The following TXLNB variants were observed in gnomAD, a reference collection of about 807,000 sequenced individuals.
The protein encoded by TXLNB is taxilin beta, also known as beta-taxilin.
In TXLNB, 37 loss-of-function variants were observed where a neutral mutation model predicts 57.4. The ratio of observed to expected loss-of-function variants is 0.64; its 90% CI spans 0.50 to 0.85. The LOEUF is 0.85. Ranked by LOEUF, TXLNB falls within the 40% of genes least tolerant of loss-of-function variation. The pLI, the probability that TXLNB is intolerant of heterozygous loss-of-function variation, is 0.00. For synonymous variants in TXLNB, 302 were observed against 309.6 expected, an observed-to-expected ratio of 0.98 and a Z score of 0.26; for missense variants, 848 against 825.6, an observed-to-expected ratio of 1.03 and a Z score of -0.33.
chr6:139,260,415 T>G lies in TXLNB; in HGVS notation c.905A>C (p.His302Pro). ...CACCAGCTTCTGCTGCAGTTCTCTG[T>G]GTTTAAATATTTTGTCCAGATGCTA... ...REEHLDKIFK[H>P]RELQQKLVDA... The change falls in exon 6 of 10, where the codon CAC becomes CCC. Residue 302 changes from histidine (H) to proline (P), a missense_variant. His to Pro is a moderately conservative substitution (Grantham distance 77). Coordinates refer to ENST00000358430, the MANE Select transcript of TXLNB (RefSeq NM_153235.4). The G allele has an allele frequency of 6.2e-7, 1 of 1,614,112 alleles. No individual in the cohort carries two copies. Among genetic ancestry groups the G allele is most frequent in the East Asian group, 2.2e-5 (1 of 44,884 alleles).
chr6:139,190,537 C>G, the TXLNB span, among the ~76,000 whole-genome samples: 1 of 152,054 alleles, frequency 6.6e-6, no homozygotes, highest in African/African-American at 2.4e-5. Flanking sequence ...TCTGGAACTC[C>G]TGACCTTGTG....
the TXLNB span, among the ~76,000 whole-genome samples, chr6:139,300,997 G>A: frequency 6.6e-6 from 1 of 152,228 alleles, no homozygotes; most frequent in East Asian, 1.9e-4. Flanking sequence ...CTGTTTCAGG[G>A]CCCCCATTCT....
At chr6:139,320,363 A>C in the TXLNB span, among the ~76,000 whole-genome samples, 4 of 152,226 alleles carry the variant, frequency 2.6e-5, no homozygotes, top group Non-Finnish European at 5.9e-5. Context: ...AACCACAAGG[A>C]ATATTTACAA....
the TXLNB span, among the ~76,000 whole-genome samples, chr6:139,161,310 G>GC: frequency 6.6e-6 from 1 of 152,064 alleles, no homozygotes; most frequent in African/African-American, 2.4e-5. Context: ...CTTTGTATTT[G>GC]TTTTTGAAGC....
intron 4 of TXLNB, among the ~76,000 whole-genome samples, chr6:139,264,629 G>A (rs906667500): frequency 6.6e-6 from 1 of 151,860 alleles, no homozygotes; most frequent in Non-Finnish European, 1.5e-5. Context: ...GCATGATCTC[G>A]GCTCACTGCA....
the TXLNB span, among the ~76,000 whole-genome samples, chr6:139,315,047 CT>C: frequency 2.6e-5 from 4 of 152,090 alleles, no homozygotes; most frequent in Non-Finnish European, 5.9e-5. Context: ...TCCTGGGGAC[CT>C]AAGATCAGTG....
the TXLNB span, among the ~76,000 whole-genome samples, chr6:139,315,238 C>T: frequency 1.3e-5 from 2 of 152,126 alleles, no homozygotes; most frequent in African/African-American, 4.8e-5. Context: ...TTCCTAAGCC[C>T]CTACCCACCA....
chr6:139,279,311 T>C (rs1776984785), intron 2 of TXLNB, among the ~76,000 whole-genome samples: 1 of 152,234 alleles, frequency 6.6e-6, no homozygotes, highest in African/African-American at 2.4e-5. Flanking sequence ...TTTTGTTTTT[T>C]ACTCTTCACA....
At chr6:139,260,752 C>T (rs181030409) in intron 5 of TXLNB, among the ~76,000 whole-genome samples, 10 of 152,278 alleles carry the variant, frequency 6.6e-5, no homozygotes, top group Admixed American at 6.5e-4. Context: ...ATTTATTATG[C>T]TAGACAGCAC....
chr6:139,162,259 G>A, the TXLNB span, among the ~76,000 whole-genome samples: 1 of 152,080 alleles, frequency 6.6e-6, no homozygotes, highest in Non-Finnish European at 1.5e-5. Flanking sequence ...GGGCAATCCT[G>A]GTAAAATTGG....
At chr6:139,223,137 CAATT>C in the TXLNB span, among the ~76,000 whole-genome samples, 1 of 152,074 alleles carries the variant, frequency 6.6e-6, no homozygotes, top group Admixed American at 6.6e-5. Context: ...GACTGTAACA[CAATT>C]AAACTATTAA....
At chr6:139,320,542 A>T in the TXLNB span, among the ~76,000 whole-genome samples, 103 of 152,310 alleles carry the variant, frequency 6.8e-4, 1 homozygote, top group East Asian at 0.018. Context: ...TGGAAATCAA[A>T]TGGGTTCCTT....
At chr6:139,315,464 A>G in the TXLNB span, among the ~76,000 whole-genome samples, 80 of 152,330 alleles carry the variant, frequency 5.3e-4, no homozygotes, top group African/African-American at 1.8e-3. Context: ...GACATAAAAG[A>G]GAGTAAGTTA....
At chr6:139,317,426 G>A in the TXLNB span, among the ~76,000 whole-genome samples, 1 of 151,080 alleles carries the variant, frequency 6.6e-6, no homozygotes, top group African/African-American at 2.4e-5. Flanking sequence ...TTGAAACGGA[G>A]TCTCGCTCTG....
At chr6:139,277,252 CA>C (rs1776922358) in intron 2 of TXLNB, 1 of 189,220 alleles carries the variant, frequency 5.3e-6, no homozygotes, top group Non-Finnish European at 1.1e-5. Flanking sequence ...TTTTATACAT[CA>C]AAAATACTTT....
chr6:139,252,314 G>T (rs989777216), intron 7 of TXLNB, among the ~76,000 whole-genome samples: 1 of 152,210 alleles, frequency 6.6e-6, no homozygotes, highest in African/African-American at 2.4e-5. Flanking sequence ...GGAAGTGTTG[G>T]AGTGTTATGC....
the TXLNB span, among the ~76,000 whole-genome samples, chr6:139,192,226 T>TA: frequency 1.7e-4 from 26 of 152,332 alleles, no homozygotes; most frequent in Non-Finnish European, 3.7e-4. Flanking sequence ...CTTGCAGACA[T>TA]ACTTGTCTGC....
chr6:139,235,639 G>A (rs1775827914), downstream of TXLNB, among the ~76,000 whole-genome samples: 1 of 152,126 alleles, frequency 6.6e-6, no homozygotes, highest in African/African-American at 2.4e-5. Flanking sequence ...AGTGATATGG[G>A]ATGGGGGCAG....
the TXLNB span, among the ~76,000 whole-genome samples, chr6:139,297,503 T>C: frequency 1.3e-5 from 2 of 152,238 alleles, no homozygotes; most frequent in African/African-American, 4.8e-5. Flanking sequence ...AATTCTGTAC[T>C]ATTCTACCAT....
Sources: allele counts gnomAD v4.1 joint callset (sites outside exome capture counted in the v4.1 genomes callset), GRCh38; gene constraint gnomAD v4.1.1; transcripts MANE v1.5; gene names NCBI Gene and HGNC (gene_info 2026-07-23, HGNC 2026-07-21).